Variants in AS3MT observed in about 807,000 individuals in gnomAD.
AS3MT encodes S-adenosyl-L-methionine:arsenic(III) methyltransferase.
A neutral mutation model predicts 45.3 loss-of-function variants in AS3MT; 47 were observed. That is an observed-to-expected ratio of 1.04 (90% CI 0.82 to 1.32). The LOEUF (loss-of-function observed/expected upper bound fraction) is 1.32, where lower values mean the gene tolerates loss of function less well. Ranked by LOEUF, AS3MT falls within the 40% of genes most tolerant of loss-of-function variation. The probability of loss-of-function intolerance (pLI) is 0.00; values close to 1 mark genes in which losing one functional copy is unlikely to be tolerated. For missense variants in AS3MT, 396 were observed against 451.1 expected (o/e 0.88, Z 1.11); for synonymous variants, 141 against 152.8 (o/e 0.92, Z 0.57).
chr10:102,894,912 A>G (rs1000267314), intron 10 of AS3MT, among the ~76,000 whole-genome samples: 1 of 152,168 alleles, frequency 6.6e-6, no homozygotes, highest in Admixed American at 6.6e-5. Context: ...TGTACATATT[A>G]TATGTATTGA....
chr10:102,900,566 C>T, intron 10 of AS3MT, 27 bp from the exon 11 acceptor site: 2 of 1,535,344 alleles, frequency 1.3e-6, no homozygotes, highest in South Asian at 1.1e-5. Flanking sequence ...TTAACTTGTC[C>T]TTTCATTTTG....
chr10:102,878,962 CT>C lies in AS3MT; in HGVS notation c.857del (p.Leu286GlnfsTer25), dbSNP rs1564792006. 6.2e-7 allele frequency: 1 copy of C among 1,612,476 alleles called. No individual in the cohort carries two copies. ...NGGITGHEKE[L>X]MFDANFTFKE... ...AGGAATTACAGGACATGAAAAAGAACTAATGTTTGATGCCAATTTTACATTT... is the reference window on the plus strand; with the variant it reads ...AGGAATTACAGGACATGAAAAAGAACAATGTTTGATGCCAATTTTACATTT... On this transcript the variant is annotated frameshift_variant, in exon 9 of 11. Transcript: ENST00000369880. LOFTEE classifies it high-confidence loss of function.
chr10:102,889,614 G>GCCTGCCTTCCTT (rs559139049), intron 9 of AS3MT, among the ~76,000 whole-genome samples: 30 of 114,046 alleles, frequency 2.6e-4, no homozygotes, highest in African/African-American at 9.0e-4. Flanking sequence ...CTGTCTGCCT[G>GCCTGCCTTCCTT]CCTTCCTTCC....
intron 10 of AS3MT, among the ~76,000 whole-genome samples, chr10:102,894,102 T>C (rs1845121714): frequency 6.6e-6 from 1 of 152,116 alleles, no homozygotes; most frequent in African/African-American, 2.4e-5. Context: ...CTGACAAATC[T>C]AGGCCAGAAT....
In AS3MT at chr10:102,881,590, T is replaced by A. The variant is rs1321396835; in HGVS notation, c.885+2599T>A. Reference sequence around the variant, plus strand: ...TCTACTGTAAAAGCAGGGATAATAATACTTACTTTGCAGAATTTCTATAAG... The same window carrying A: ...TCTACTGTAAAAGCAGGGATAATAAAACTTACTTTGCAGAATTTCTATAAG... On this transcript the variant is annotated intron_variant, in intron 9 of 10. Transcript: ENST00000369880. The surrounding 1 kb of genome is among the most constrained non-coding windows in gnomAD (Gnocchi z 4.2). Among the ~76,000 whole-genome samples, 1 of 152,212 alleles carries A rather than the reference T, an allele frequency of 6.6e-6. No homozygotes were observed. Among genetic ancestry groups the A allele is most frequent in the Non-Finnish European group, 1.5e-5 (1 of 68,032 alleles).
At position 102,890,679 on chromosome 10, in the gene AS3MT, G is replaced by A; in HGVS notation, c.1020+1G>A. 1 of 1,604,434 alleles carries A rather than the reference G, an allele frequency of 6.2e-7. No individual in the cohort carries two copies. Among genetic ancestry groups the A allele is most frequent in the Non-Finnish European group, 8.5e-7 (1 of 1,177,406 alleles). ...AGGCTGTTCTGCTTTGGAGTTAAAGGTTAGTTTGGCTTTCACTACCTGAGA... is the reference window on the plus strand; with the variant it reads ...AGGCTGTTCTGCTTTGGAGTTAAAGATTAGTTTGGCTTTCACTACCTGAGA... On this transcript the variant is annotated splice_donor_variant, in intron 10 of 10. Transcript: ENST00000369880. LOFTEE classifies it high-confidence loss of function.
chr10:102,874,823 T>C (rs1844755642), intron 6 of AS3MT, among the ~76,000 whole-genome samples, 162 bp downstream of exon 6: 1 of 152,200 alleles, frequency 6.6e-6, no homozygotes, highest in Non-Finnish European at 1.5e-5. Context: ...ACCCCGGATA[T>C]GGATTACTTT....
At chr10:102,877,105 A>C in intron 7 of AS3MT, 70 bp downstream of exon 7, 1 of 1,408,292 alleles carries the variant, frequency 7.1e-7, no homozygotes, top group East Asian at 2.3e-5. Context: ...TTCTGCTAAT[A>C]GCCAGGATGA....
At position 102,873,311 on chromosome 10, in the gene AS3MT, C is replaced by T. The variant is rs1290125437; in HGVS notation, c.458+78C>T. 6.0e-6 allele frequency: 7 copies of T among 1,160,906 alleles called. No individual in the cohort carries two copies. The Admixed American group carries it at 1.0e-4, about 17-fold the overall frequency. 71.9% of individuals were successfully genotyped at this position (1,160,906 alleles called of 1,614,324 possible). A position where few individuals can be genotyped will look rare whatever the true frequency, so the allele number is the denominator to read the frequency against. On this transcript the variant is annotated intron_variant, in intron 5 of 10. Coordinates refer to ENST00000369880, the MANE Select transcript of AS3MT (RefSeq NM_020682.4). ...TATTATTATTATTGAGATGGACTCTCGCTCTGTCACCCAGGCCAGAGTGCA... is the reference window on the plus strand; with the variant it reads ...TATTATTATTATTGAGATGGACTCTTGCTCTGTCACCCAGGCCAGAGTGCA...
At chr10:102,874,333 C>T (rs1273192936) in intron 5 of AS3MT, among the ~76,000 whole-genome samples, 1 of 151,962 alleles carries the variant, frequency 6.6e-6, no homozygotes, top group African/African-American at 2.4e-5. Flanking sequence ...TGGTGAACAT[C>T]AGGACAGAAA....
chr10:102,882,509 T>G (rs1365460834), intron 9 of AS3MT, among the ~76,000 whole-genome samples: 1 of 152,146 alleles, frequency 6.6e-6, no homozygotes. Flanking sequence ...AGTCTTGAAC[T>G]CCTGGCCTCA....
At chr10:102,879,497 G>A (rs1844839949) in intron 9 of AS3MT, among the ~76,000 whole-genome samples, 1 of 151,902 alleles carries the variant, frequency 6.6e-6, no homozygotes, top group Non-Finnish European at 1.5e-5. Flanking sequence ...CAGGTGCGGT[G>A]GCTCACACCT....
rs911833011 is a variant in AS3MT, at chr10:102,881,802, C to T, written c.885+2811C>T. 6.6e-6 allele frequency among the ~76,000 whole-genome samples: 1 copy of T among 152,154 alleles called. No homozygotes were observed. Among genetic ancestry groups the T allele is most frequent in the African/African-American group, 2.4e-5 (1 of 41,452 alleles). ...CCATGCTGGAGTGTAGTGGCACAGT[C>T]ATAGCTCACTGTAACCTCAAACTCC... is the stretch of plus-strand genomic sequence containing the variant. On this transcript the variant is annotated intron_variant, in intron 9 of 10. Coordinates refer to ENST00000369880, the MANE Select transcript of AS3MT (RefSeq NM_020682.4). This position sits in a 1 kb window ranked among gnomAD's most constrained non-coding sequence, Gnocchi z 4.2.
intron 10 of AS3MT, among the ~76,000 whole-genome samples, chr10:102,893,958 A>G (rs1026279689): frequency 6.6e-5 from 10 of 152,154 alleles, no homozygotes; most frequent in African/African-American, 2.2e-4. Context: ...CAAATTCGCT[A>G]TGTGTCTTTT....
intron 5 of AS3MT, 45 bp from the exon 6 acceptor site, chr10:102,874,547 G>A (rs1844751314): frequency 7.3e-7 from 1 of 1,376,586 alleles, no homozygotes; most frequent in Admixed American, 1.9e-5. Flanking sequence ...GCAGATCTCT[G>A]AGTGTTGTGA....
At position 102,874,595 on chromosome 10, in the gene AS3MT, A is replaced by C. The variant is rs1303287281; in HGVS notation, c.462A>C (p.Ser154=). The change falls in exon 6 of 11, where the codon TCA becomes TCC. Residue 154 remains serine, a synonymous_variant. Coordinates refer to ENST00000369880, the MANE Select transcript of AS3MT (RefSeq NM_020682.4). The part of the protein sequence containing the change: ...IKNESHDIVV[S]NCVINLVPDK... ...CATTTCATCTGTTCTCTTTTAGATC[A>C]AACTGTGTTATTAACCTTGTGCCTG... The C allele has an allele frequency of 1.0e-5, 16 of 1,601,766 alleles. No individual in the cohort carries two copies. Among genetic ancestry groups the C allele is most frequent in the Non-Finnish European group, 1.3e-5 (15 of 1,172,410 alleles).
Position 102,878,881 on chromosome 10 carries a change from C to T in AS3MT, c.775C>T (p.Leu259Phe). Residue 259 changes from leucine to phenylalanine, a missense_variant, in exon 9 of 11, where the codon CTC becomes TTC. Coordinates refer to ENST00000369880, the MANE Select transcript of AS3MT (RefSeq NM_020682.4). The part of the protein sequence containing the change: ...DCRFVSATFR[L>F]FKHSKTGPTK... ...TCGTTTTGTTTCTGCAACATTTCGC[C>T]TCTTCAAACACTCTAAGACAGGACC... is the stretch of plus-strand genomic sequence containing the variant. 1 of 1,613,084 alleles carries T rather than the reference C, an allele frequency of 6.2e-7. No individual in the cohort carries two copies. Among genetic ancestry groups the T allele is most frequent in the Non-Finnish European group, 8.5e-7 (1 of 1,179,680 alleles).
At chr10:102,900,275 T>A (rs1462514471) in intron 10 of AS3MT, among the ~76,000 whole-genome samples, 1 of 152,212 alleles carries the variant, frequency 6.6e-6, no homozygotes, top group East Asian at 1.9e-4. Context: ...CGTATCTCAG[T>A]TCCAAAGAGG....
chr10:102,895,548 C>T (rs1194935830), intron 10 of AS3MT, among the ~76,000 whole-genome samples: 2 of 152,022 alleles, frequency 1.3e-5, no homozygotes, highest in African/African-American at 4.8e-5. Context: ...TCATTTTGTG[C>T]CCCCAAAACG....
Sources: gnomAD v4.1 joint callset for allele counts (sites outside exome capture counted in the v4.1 genomes callset) on GRCh38, gnomAD v4.1.1 for gene constraint, Gnocchi (gnomAD v3.1) non-coding constraint, MANE v1.5 for transcripts, NCBI Gene and HGNC (gene_info 2026-07-23, HGNC 2026-07-21) for gene names.